MUSK: variants seen among roughly 807,000 people sequenced by gnomAD.
MUSK encodes muscle associated receptor tyrosine kinase, also known as muscle, skeletal receptor tyrosine-protein kinase.
In MUSK, 55 loss-of-function variants were observed where a neutral mutation model predicts 88.7. The ratio of observed to expected loss-of-function variants is 0.62; its 90% CI spans 0.50 to 0.78. The LOEUF is 0.78. Ranked by LOEUF, MUSK falls within the 30% of genes least tolerant of loss-of-function variation. The pLI, the probability that MUSK is intolerant of heterozygous loss-of-function variation, is 0.00. For synonymous variants in MUSK, 387 were observed against 391.9 expected (o/e 0.99, Z 0.15); for missense variants, 1,015 against 1,074.3 (o/e 0.94, Z 0.77).
At chr9:110,708,096 CTAT>C (rs1379057191) in intron 5 of MUSK, among the ~76,000 whole-genome samples, 1 of 81,160 alleles carries the variant, frequency 1.2e-5, no homozygotes, top group African/African-American at 4.8e-5. Context: ...TAATTCCTAT[CTAT>C]CTATCTATCT....
rs1206642929 is a variant in MUSK, at chr9:110,802,219, T to C, written c.*1231T>C. Among the ~76,000 whole-genome samples the C allele has an allele frequency of 6.6e-6, 1 of 152,076 alleles. No individual in the cohort carries two copies. The highest frequency in any genetic ancestry group is 6.5e-5 in the Admixed American group (1 of 15,268). Reference sequence around the variant, plus strand: ...TATTAACTGATTTTGTTGTATTTCATGATTTAAAAAAAAAAGCAGCAGCTC... The same window carrying C: ...TATTAACTGATTTTGTTGTATTTCACGATTTAAAAAAAAAAGCAGCAGCTC... On this transcript the variant is annotated 3_prime_UTR_variant, in exon 15 of 15. Transcript: ENST00000374448.
chr9:110,734,139 C>A, intron 5 of MUSK, 112 bp from the exon 6 acceptor site: 1 of 1,227,734 alleles, frequency 8.1e-7, no homozygotes, highest in Non-Finnish European at 1.1e-6. Context: ...ACAGAGCAAA[C>A]ACTGAAGAAC....
At chr9:110,705,161 T>C (rs1440921499) in intron 5 of MUSK, among the ~76,000 whole-genome samples, 2 of 152,228 alleles carry the variant, frequency 1.3e-5, no homozygotes, top group African/African-American at 2.4e-5. Context: ...CTATTTTTGA[T>C]AAAGTAACAT....
intron 5 of MUSK, among the ~76,000 whole-genome samples, chr9:110,711,258 T>TAA: frequency 6.6e-6 from 1 of 152,020 alleles, no homozygotes; most frequent in South Asian, 2.1e-4. Context: ...ATAATAATAA[T>TAA]AAAAAAAATT....
intron 5 of MUSK, among the ~76,000 whole-genome samples, chr9:110,713,771 T>C (rs116878365): frequency 0.012 from 1,889 of 152,308 alleles, 15 homozygotes; most frequent in Non-Finnish European, 0.018. Flanking sequence ...CCAACTAAAA[T>C]TTCCGGTTGG....
At chr9:110,757,798 T>C (rs2077345987) in intron 7 of MUSK, among the ~76,000 whole-genome samples, 1 of 152,118 alleles carries the variant, frequency 6.6e-6, no homozygotes, top group Admixed American at 6.5e-5. Flanking sequence ...GAACTCTACA[T>C]GTATGTGTAT....
chr9:110,783,075 A>T (rs1011358190), intron 11 of MUSK, among the ~76,000 whole-genome samples: 1 of 152,078 alleles, frequency 6.6e-6, no homozygotes, highest in Non-Finnish European at 1.5e-5. Flanking sequence ...CCTATTTCAA[A>T]TGCTTTAGGC....
At chr9:110,786,910 G>A (rs553378604) in intron 13 of MUSK, among the ~76,000 whole-genome samples, 1 of 152,242 alleles carries the variant, frequency 6.6e-6, no homozygotes, top group Non-Finnish European at 1.5e-5. Context: ...CACCCATGGT[G>A]GCCCTGGCGT....
intron 7 of MUSK, among the ~76,000 whole-genome samples, chr9:110,751,481 A>C (rs2131888439): frequency 6.6e-6 from 1 of 152,306 alleles, no homozygotes; most frequent in African/African-American, 2.4e-5. Context: ...GGATGGTGGG[A>C]GCAATGCAAA....
chr9:110,755,358 A>G (rs77340305), intron 7 of MUSK, among the ~76,000 whole-genome samples: 183 of 152,350 alleles, frequency 1.2e-3, no homozygotes, highest in African/African-American at 4.2e-3. Context: ...TGTAGATTGC[A>G]GAACAACTAT....
intron 14 of MUSK, among the ~76,000 whole-genome samples, chr9:110,798,826 C>G (rs571204018): frequency 6.6e-6 from 1 of 152,014 alleles, no homozygotes; most frequent in African/African-American, 2.4e-5. Context: ...TATATCTATA[C>G]ACATGTATAT....
At position 110,801,978 on chromosome 9, in the gene MUSK, A is replaced by T. The variant is rs137886977; in HGVS notation, c.*990A>T. 6.7e-4 allele frequency among the ~76,000 whole-genome samples: 102 copies of T among 152,294 alleles called. No individual in the cohort carries two copies. The highest frequency in any genetic ancestry group is 2.4e-3 in the African/African-American group (100 of 41,564). ...TTCCTGCATTTGCCTTTGAAGCCAC[A>T]CATTTCAACATTCTCACCTATTAAT... On this transcript the variant is annotated 3_prime_UTR_variant, in exon 15 of 15. Transcript: ENST00000374448.
rs543307146 is a variant in MUSK, at chr9:110,750,853, A to G, written c.913+3053A>G. Among the ~76,000 whole-genome samples, 6 of 152,300 alleles carry G rather than the reference A, an allele frequency of 3.9e-5. No homozygotes were observed. In the East Asian group the frequency reaches 5.8e-4, roughly 15 times the overall value. ...CCATCTGCTTTTGGCTTTTTCCTTA[A>G]TTGATCAATACACCTCTATTCTAGG... is the stretch of plus-strand genomic sequence containing the variant. On this transcript the variant is annotated intron_variant, in intron 7 of 14. Coordinates refer to ENST00000374448, the MANE Select transcript of MUSK (RefSeq NM_005592.4).
At chr9:110,754,401 G>T (rs1462732178) in intron 7 of MUSK, among the ~76,000 whole-genome samples, 1 of 152,154 alleles carries the variant, frequency 6.6e-6, no homozygotes, top group African/African-American at 2.4e-5. Flanking sequence ...GATATTTTGA[G>T]AATTTTTTAA....
chr9:110,802,264 G>A lies in MUSK; in HGVS notation c.*1276G>A, dbSNP rs1335367908. Among the ~76,000 whole-genome samples the A allele has an allele frequency of 6.6e-6, 1 of 151,684 alleles. No homozygotes were observed. Among genetic ancestry groups the A allele is most frequent in the Non-Finnish European group, 1.5e-5 (1 of 67,932 alleles). ...CAGCTCTGGAACTCAGATTCCTGGG[G>A]GTTCAGATTTTTTCTCAGTGGATCC... is the stretch of plus-strand genomic sequence containing the variant. On this transcript the variant is annotated 3_prime_UTR_variant, in exon 15 of 15. Coordinates refer to ENST00000374448, the MANE Select transcript of MUSK (RefSeq NM_005592.4).
At chr9:110,771,161 C>CTTTTTTTTTTT (rs34185224) in intron 9 of MUSK, among the ~76,000 whole-genome samples, 5 of 96,432 alleles carry the variant, frequency 5.2e-5, no homozygotes, top group South Asian at 4.0e-4. Flanking sequence ...TCATTTCCTT[C>CTTTTTTTTTTT]TTTTTTTTTT....
At chr9:110,669,094 A>C in intron 1 of MUSK, 111 bp downstream of exon 1, 1 of 960,138 alleles carries the variant, frequency 1.0e-6, no homozygotes, top group Non-Finnish European at 1.7e-6. Flanking sequence ...GTTTTACTTG[A>C]AGAAGTAAGG....
chr9:110,734,180 T>G, intron 5 of MUSK, 71 bp from the exon 6 acceptor site: 1 of 1,520,658 alleles, frequency 6.6e-7, no homozygotes. Context: ...CTAATTTGCA[T>G]TTCTAAAAGA....
chr9:110,689,812 ATATATT>A (rs2076286501), intron 3 of MUSK, among the ~76,000 whole-genome samples: 1 of 93,426 alleles, frequency 1.1e-5, no homozygotes, highest in Non-Finnish European at 1.9e-5. Flanking sequence ...ATATATAACT[ATATATT>A]TAAATATATA....
Sources: gnomAD v4.1 joint callset for allele counts (sites outside exome capture counted in the v4.1 genomes callset) on GRCh38, gnomAD v4.1.1 for gene constraint, MANE v1.5 for transcripts, NCBI Gene and HGNC (gene_info 2026-07-23, HGNC 2026-07-21) for gene names.